The following EXOC4 variants were observed in gnomAD, a reference collection of about 807,000 sequenced individuals.
EXOC4 encodes the protein exocyst complex component 4.
A neutral mutation model predicts 107.2 loss-of-function variants in EXOC4; 71 were observed. The observed-to-expected ratio is 0.66, with a 90% CI of 0.55 to 0.81. EXOC4 has a LOEUF of 0.81. Among genes scored for constraint, EXOC4 ranks in the 30% least tolerant of loss-of-function variants. The pLI is 0.00. For missense variants in EXOC4, 1,108 were observed against 1,189.6 expected (o/e 0.93, Z 1.01); for synonymous variants, 456 against 441.2 (o/e 1.03, Z -0.42).
At chr7:133,488,972 C>A (rs1399718405) in intron 9 of EXOC4, among the ~76,000 whole-genome samples, 3 of 148,066 alleles carry the variant, frequency 2.0e-5, no homozygotes, top group Non-Finnish European at 3.0e-5. Context: ...AATCTAATAT[C>A]TTACACATGT....
intron 14 of EXOC4, among the ~76,000 whole-genome samples, chr7:133,950,335 G>A (rs1434486441): frequency 6.6e-6 from 1 of 152,132 alleles, no homozygotes; most frequent in Non-Finnish European, 1.5e-5. Context: ...GCTCATTATT[G>A]AAATTTTTAA....
intron 3 of EXOC4, among the ~76,000 whole-genome samples, chr7:133,298,766 T>C (rs1794577697): frequency 6.6e-6 from 1 of 152,198 alleles, no homozygotes; most frequent in Non-Finnish European, 1.5e-5. Context: ...ATGCATAGCT[T>C]AGGACTTGAG....
the EXOC4 span, among the ~76,000 whole-genome samples, chr7:134,096,821 T>C: frequency 6.6e-6 from 1 of 152,094 alleles, no homozygotes; most frequent in East Asian, 1.9e-4. Flanking sequence ...CCCACCCAGA[T>C]TGAGGGTGGG....
intron 9 of EXOC4, among the ~76,000 whole-genome samples, chr7:133,588,092 C>T (rs529813807): frequency 5.9e-5 from 9 of 152,248 alleles, no homozygotes; most frequent in African/African-American, 2.2e-4. Context: ...ATATTCATTC[C>T]CTAAGGGAAA....
rs79035258 is a variant in EXOC4, at chr7:133,456,849, C to T, written c.1183-18479C>T. On this transcript the variant is annotated intron_variant, in intron 7 of 17. Coordinates refer to ENST00000253861, the MANE Select transcript of EXOC4 (RefSeq NM_021807.4). ...CTGTTTAAGCTAATAAAGGAAATTA[C>T]AGGAATAGGCCATAGAATTTGAAGA... Among the ~76,000 whole-genome samples the T allele has an allele frequency of 4.8e-3, 731 of 152,246 alleles. 4 individuals carry two copies. The highest frequency in any genetic ancestry group is 0.017 in the Middle Eastern group (5 of 294).
intron 11 of EXOC4, among the ~76,000 whole-genome samples, chr7:133,832,478 A>G (rs1433908064): frequency 6.6e-6 from 1 of 152,010 alleles, no homozygotes; most frequent in Non-Finnish European, 1.5e-5. Context: ...TCTTTTTAAG[A>G]CTCTGGCTGT....
intron 1 of EXOC4, among the ~76,000 whole-genome samples, chr7:133,254,961 T>C (rs980375196): frequency 2.0e-5 from 3 of 152,186 alleles, no homozygotes; most frequent in Non-Finnish European, 4.4e-5. Flanking sequence ...AAGCTTTTTT[T>C]ACTAATGCTA....
intron 17 of EXOC4, among the ~76,000 whole-genome samples, chr7:134,056,806 A>G (rs1364272747): frequency 6.6e-6 from 1 of 152,222 alleles, no homozygotes; most frequent in East Asian, 1.9e-4. Context: ...TAGCTAAGGG[A>G]ACAAAAAGAA....
intron 5 of EXOC4, among the ~76,000 whole-genome samples, chr7:133,352,249 A>G (rs979157592): frequency 3.3e-5 from 5 of 151,912 alleles, no homozygotes; most frequent in African/African-American, 4.8e-5. Flanking sequence ...TGTTCTATCA[A>G]TTATCGAGAG....
At chr7:133,730,645 C>G (rs996836469) in intron 10 of EXOC4, among the ~76,000 whole-genome samples, 1 of 152,162 alleles carries the variant, frequency 6.6e-6, no homozygotes, top group Non-Finnish European at 1.5e-5. Flanking sequence ...CTTCCTTCCT[C>G]TATTACTTGC....
At chr7:133,835,033 TC>T (rs1797889287) in intron 11 of EXOC4, among the ~76,000 whole-genome samples, 1 of 152,188 alleles carries the variant, frequency 6.6e-6, no homozygotes, top group Non-Finnish European at 1.5e-5. Context: ...GACTTGCACC[TC>T]CTTGCCTTCT....
chr7:133,768,364 TGTCTCCCCCACAA>T (rs1796179417), intron 10 of EXOC4: 1 of 151,934 alleles, frequency 6.6e-6, no homozygotes. Flanking sequence ...AAGTCTTTAT[TGTCTCCCCCACAA>T]CTCTTCCCCA....
chr7:134,041,081 A>G (rs1173937181), intron 17 of EXOC4, among the ~76,000 whole-genome samples: 1 of 152,192 alleles, frequency 6.6e-6, no homozygotes, highest in African/African-American at 2.4e-5. Flanking sequence ...CCCCATGATT[A>G]TGGCATCAGA....
At chr7:133,409,073 T>G (rs181733973) in intron 7 of EXOC4, among the ~76,000 whole-genome samples, 7 of 152,322 alleles carry the variant, frequency 4.6e-5, no homozygotes, top group Admixed American at 3.3e-4. Context: ...AGTAGGTTAG[T>G]CAATAGATAA....
At chr7:133,578,113 T>A (rs1801173015) in intron 9 of EXOC4, among the ~76,000 whole-genome samples, 1 of 152,204 alleles carries the variant, frequency 6.6e-6, no homozygotes, top group Non-Finnish European at 1.5e-5. Flanking sequence ...TCTTAATTTG[T>A]TGAAATTGTT....
chr7:133,462,852 T>C (rs1020463080), intron 7 of EXOC4, among the ~76,000 whole-genome samples: 3 of 152,124 alleles, frequency 2.0e-5, no homozygotes, highest in Admixed American at 6.5e-5. Context: ...CTGGTAATGA[T>C]ATAAAAAGAA....
chr7:133,671,607 CCGT>C (rs758599494), intron 10 of EXOC4, among the ~76,000 whole-genome samples: 9 of 151,892 alleles, frequency 5.9e-5, no homozygotes, highest in Non-Finnish European at 1.0e-4. Flanking sequence ...GATTTGGCTG[CCGT>C]ATGAAGAATG....
intron 10 of EXOC4, among the ~76,000 whole-genome samples, chr7:133,735,046 T>TA (rs3076789): frequency 0.019 from 1,757 of 94,670 alleles, 24 homozygotes; most frequent in Non-Finnish European, 0.022. Context: ...CCGTCTCTGC[T>TA]AAAAAAAAAA....
intron 9 of EXOC4, among the ~76,000 whole-genome samples, chr7:133,565,191 CAT>C (rs1295456082): frequency 6.6e-6 from 1 of 152,114 alleles, no homozygotes; most frequent in Non-Finnish European, 1.5e-5. Context: ...AAGGATTGGA[CAT>C]GTGTGGTGGG....
Sources: allele counts gnomAD v4.1 joint callset (sites outside exome capture counted in the v4.1 genomes callset), GRCh38; gene constraint gnomAD v4.1.1; transcripts MANE v1.5; gene names NCBI Gene and HGNC (gene_info 2026-07-23, HGNC 2026-07-21).